Variants in NCOA7 observed in about 807,000 individuals in gnomAD.
The protein encoded by NCOA7 is nuclear receptor coactivator 7, also known as 140 kDa estrogen receptor-associated protein.
A neutral mutation model predicts 104.3 loss-of-function variants in NCOA7; 45 were observed. The ratio of observed to expected loss-of-function variants is 0.43; its 90% CI spans 0.34 to 0.55. NCOA7 has a LOEUF of 0.55. NCOA7 is among the 20% of genes least tolerant of loss of function. The pLI, the probability that NCOA7 is intolerant of heterozygous loss-of-function variation, is 0.02. For missense variants in NCOA7, 1,041 were observed against 1,119.7 expected, an observed-to-expected ratio of 0.93 and a Z score of 1.00; for synonymous variants, 398 against 402.3, an observed-to-expected ratio of 0.99 and a Z score of 0.13.
chr6:125,856,543 G>A (rs571710871), intron 3 of NCOA7, among the ~76,000 whole-genome samples: 2 of 151,988 alleles, frequency 1.3e-5, no homozygotes, highest in Non-Finnish European at 2.9e-5. Context: ...TAGTAGAGAC[G>A]GGGTTTCACC....
upstream of NCOA7, chr6:125,786,309 A>C (rs1374359926): frequency 6.6e-6 from 1 of 152,232 alleles, no homozygotes; most frequent in Non-Finnish European, 1.5e-5. Flanking sequence ...GCCTAAGCTC[A>C]TCACTTAATG....
rs1426485432 is a variant in NCOA7, at chr6:125,928,854, G to A, written c.*83G>A. ...AAGCTGGCTGGAAAAAGAAGCCCCAGCCCAGCCTGCCTCATCCCACCCCAA... is the reference window on the plus strand; with the variant it reads ...AAGCTGGCTGGAAAAAGAAGCCCCAACCCAGCCTGCCTCATCCCACCCCAA... On this transcript the variant is annotated 3_prime_UTR_variant, in exon 16 of 16. Transcript: ENST00000392477. The A allele has an allele frequency of 4.1e-6, 6 of 1,454,160 alleles. No homozygotes were observed. Among genetic ancestry groups the A allele is most frequent in the Non-Finnish European group, 5.5e-6 (6 of 1,081,648 alleles). 90.1% of individuals were successfully genotyped at this position (1,454,160 alleles called of 1,614,324 possible). A position where few individuals can be genotyped will look rare whatever the true frequency, so the allele number is the denominator to read the frequency against.
At chr6:125,854,026 A>G (rs930147032) in intron 2 of NCOA7, among the ~76,000 whole-genome samples, 2 of 152,206 alleles carry the variant, frequency 1.3e-5, no homozygotes, top group Admixed American at 6.5e-5. Flanking sequence ...TCCATTGCCC[A>G]ACATCAAATT....
At chr6:125,829,743 G>A (rs1382634502) in intron 2 of NCOA7, among the ~76,000 whole-genome samples, 2 of 146,508 alleles carry the variant, frequency 1.4e-5, no homozygotes, top group African/African-American at 4.9e-5. Context: ...AGGAACTAAC[G>A]TCCCCCTCTA....
At position 125,922,803 on chromosome 6, in the gene NCOA7, TC is replaced by T; in HGVS notation, c.2494del (p.Leu832TyrfsTer58). 6.2e-7 allele frequency: 1 copy of T among 1,614,140 alleles called. No homozygotes were observed. Among genetic ancestry groups the T allele is most frequent in the Non-Finnish European group, 8.5e-7 (1 of 1,180,010 alleles). ...YRKSASLDSP[V>X]LLVIKDMDNQ... ...AAATCGGCATCACTAGACAGTCCTG[TC>T]CTATTGGTCATCAAAGATATGGATA... On this transcript the variant is annotated frameshift_variant, in exon 13 of 16. Coordinates refer to ENST00000392477, the MANE Select transcript of NCOA7 (RefSeq NM_181782.5). LOFTEE classifies it high-confidence loss of function.
At chr6:125,867,927 T>G (rs2128632532) in intron 3 of NCOA7, among the ~76,000 whole-genome samples, 1 of 152,300 alleles carries the variant, frequency 6.6e-6, no homozygotes, top group East Asian at 1.9e-4. Flanking sequence ...AGTGCGGTGT[T>G]TCGGTAATAA....
In NCOA7 at chr6:125,928,882, C is replaced by A; in HGVS notation, c.*111C>A. The stretch of plus-strand genomic sequence containing the variant: ...CAGCCTGCCTCATCCCACCCCAATG[C>A]TTCCTTTCTGCCATCATCTCAGAGC... On this transcript the variant is annotated 3_prime_UTR_variant, in exon 16 of 16. Coordinates refer to ENST00000392477, the MANE Select transcript of NCOA7 (RefSeq NM_181782.5). 1.7e-6 allele frequency: 2 copies of A among 1,172,702 alleles called. No homozygotes were observed. The highest frequency in any genetic ancestry group is 2.4e-6 in the Non-Finnish European group (2 of 845,352). 72.6% of individuals were successfully genotyped at this position (1,172,702 alleles called of 1,614,324 possible).
chr6:125,868,369 C>T (rs1031487721), intron 3 of NCOA7, among the ~76,000 whole-genome samples: 3 of 152,194 alleles, frequency 2.0e-5, no homozygotes, highest in African/African-American at 7.2e-5. Context: ...TTATAAATAA[C>T]AATAGCATTT....
At chr6:125,809,056 C>G (rs573838024) in intron 1 of NCOA7, among the ~76,000 whole-genome samples, 207 of 152,320 alleles carry the variant, frequency 1.4e-3, no homozygotes, top group Admixed American at 3.7e-3. Flanking sequence ...TTGATCATCA[C>G]CTTGCTTCAG....
chr6:125,800,441 T>G (rs182598099), intron 1 of NCOA7, among the ~76,000 whole-genome samples: 9 of 152,328 alleles, frequency 5.9e-5, no homozygotes, highest in Non-Finnish European at 1.0e-4. Context: ...TAATTAGAGT[T>G]TTATGCTCAG....
chr6:125,890,922 A>G (rs1784577835), intron 10 of NCOA7, 112 bp downstream of exon 10: 1 of 1,070,494 alleles, frequency 9.3e-7, no homozygotes. Context: ...CTTTATCTGA[A>G]TTGTAGATTT....
chr6:125,806,627 T>A, intron 1 of NCOA7, among the ~76,000 whole-genome samples: 1 of 152,198 alleles, frequency 6.6e-6, no homozygotes, highest in Non-Finnish European at 1.5e-5. Flanking sequence ...AGGGCGCTAC[T>A]GGCATTTAGT....
At chr6:125,844,515 G>C (rs1378100145) in intron 2 of NCOA7, among the ~76,000 whole-genome samples, 1 of 152,114 alleles carries the variant, frequency 6.6e-6, no homozygotes, top group Non-Finnish European at 1.5e-5. Flanking sequence ...CAAGTGAGTT[G>C]TTGTTTTAAC....
At chr6:125,874,209 C>T (rs1562955930) in intron 3 of NCOA7, among the ~76,000 whole-genome samples, 2 of 152,146 alleles carry the variant, frequency 1.3e-5, no homozygotes, top group Non-Finnish European at 1.5e-5. Flanking sequence ...CCTGTAATCC[C>T]AGCTACTCGG....
intron 5 of NCOA7, among the ~76,000 whole-genome samples, chr6:125,880,263 C>G (rs575848588): frequency 6.6e-6 from 1 of 152,076 alleles, no homozygotes; most frequent in Admixed American, 6.6e-5. Flanking sequence ...CTTTAGAACT[C>G]AGAGCCTGCT....
chr6:125,884,967 T>G (rs1037949535), intron 7 of NCOA7, among the ~76,000 whole-genome samples, 192 bp from the exon 8 acceptor site: 1 of 152,236 alleles, frequency 6.6e-6, no homozygotes, highest in Non-Finnish European at 1.5e-5. Context: ...ATCTGTTTTC[T>G]CTGCCTCACC....
chr6:125,900,401 T>C (rs1785399395), intron 10 of NCOA7, among the ~76,000 whole-genome samples: 1 of 152,248 alleles, frequency 6.6e-6, no homozygotes, highest in Admixed American at 6.5e-5. Context: ...TTATTCATTT[T>C]CAAGTAATCC....
intron 2 of NCOA7, among the ~76,000 whole-genome samples, chr6:125,815,830 A>G (rs1465338516): frequency 1.3e-5 from 2 of 152,346 alleles, no homozygotes; most frequent in Middle Eastern, 3.4e-3. Flanking sequence ...ATATTTTTGT[A>G]GGTAGGTGAA....
intron 1 of NCOA7, among the ~76,000 whole-genome samples, chr6:125,809,064 C>T (rs1309672588): frequency 1.3e-5 from 2 of 152,186 alleles, no homozygotes; most frequent in Non-Finnish European, 2.9e-5. Context: ...CACCTTGCTT[C>T]AGGAATAACT....
Sources: gnomAD v4.1 joint callset for allele counts (sites outside exome capture counted in the v4.1 genomes callset) on GRCh38, gnomAD v4.1.1 for gene constraint, MANE v1.5 for transcripts, NCBI Gene and HGNC (gene_info 2026-07-23, HGNC 2026-07-21) for gene names.